CBFA2T3: variants seen among roughly 807,000 people sequenced by gnomAD.
CBFA2T3 encodes CBFA2/RUNX1 partner transcriptional co-repressor 3.
A neutral mutation model predicts 58.6 loss-of-function variants in CBFA2T3; 31 were observed. That is an observed-to-expected ratio of 0.53 (90% confidence interval 0.40 to 0.71). The LOEUF is 0.71. CBFA2T3 is among the 30% of genes least tolerant of loss of function. The pLI is 0.00. For missense variants in CBFA2T3, 1,076 were observed against 963.1 expected (o/e 1.12, Z -1.55); for synonymous variants, 531 against 421.9 (o/e 1.26, Z -3.17).
At chr16:88,905,930 G>A (rs990188768) in intron 1 of CBFA2T3, among the ~76,000 whole-genome samples, 1 of 150,676 alleles carries the variant, frequency 6.6e-6, no homozygotes, top group South Asian at 2.1e-4. Flanking sequence ...GCTGGGCAGG[G>A]AGGCACCGTG....
intron 1 of CBFA2T3, among the ~76,000 whole-genome samples, chr16:88,910,114 C>T (rs1355653672): frequency 1.3e-5 from 2 of 152,260 alleles, no homozygotes; most frequent in Non-Finnish European, 2.9e-5. Context: ...CGCACTACCC[C>T]ACACCCGCCT....
chr16:88,880,841 C>T (rs546835648), intron 9 of CBFA2T3, 53 bp from the exon 10 acceptor site: 26 of 1,465,048 alleles, frequency 1.8e-5, no homozygotes, highest in African/African-American at 1.4e-4. Context: ...GCCCCTCCCA[C>T]GCTGGGGCCC....
rs566421443 is a variant in CBFA2T3, at chr16:88,877,750, G to A, written c.1663-475C>T. Among the ~76,000 whole-genome samples, 122 of 151,702 alleles carry A rather than the reference G, an allele frequency of 8.0e-4. 2 individuals carry two copies. Among genetic ancestry groups the A allele is most frequent in the East Asian group, 3.9e-4 (2 of 5,084 alleles). ...CTGTGGTGGGCTCTGCTCCCTTCCC[G>A]TAGGGTGAGTTGTGCCCTAGGCATC... On this transcript the variant is annotated intron_variant, in intron 11 of 11. Coordinates refer to ENST00000268679, the MANE Select transcript of CBFA2T3 (RefSeq NM_005187.6).
chr16:88,925,881 C>G (rs1971070775), intron 1 of CBFA2T3, among the ~76,000 whole-genome samples: 1 of 152,220 alleles, frequency 6.6e-6, no homozygotes, highest in Admixed American at 6.5e-5. Flanking sequence ...GCCATCCTCT[C>G]TACGCCAGAC....
intron 1 of CBFA2T3, among the ~76,000 whole-genome samples, chr16:88,960,688 G>T (rs1972334301): frequency 6.6e-6 from 1 of 152,244 alleles, no homozygotes; most frequent in Non-Finnish European, 1.5e-5. Context: ...GAAGCTGAAA[G>T]AGCAGAAATG....
chr16:88,919,589 C>T (rs1369193384), intron 1 of CBFA2T3, among the ~76,000 whole-genome samples: 1 of 152,208 alleles, frequency 6.6e-6, no homozygotes, highest in Non-Finnish European at 1.5e-5. Context: ...AAAACCCACT[C>T]CTCGAATTCT....
chr16:88,967,673 T>C (rs755336547), intron 1 of CBFA2T3, among the ~76,000 whole-genome samples: 2 of 152,158 alleles, frequency 1.3e-5, no homozygotes, highest in Admixed American at 6.5e-5. Context: ...GACGGCGTGC[T>C]GCCCTGCGTG....
In CBFA2T3 at chr16:88,876,240, T is replaced by TA. The variant is rs1171380236; in HGVS notation, c.*735dup. 2 of 229,756 alleles carry TA rather than the reference T, an allele frequency of 8.7e-6. No homozygotes were observed. The highest frequency in any genetic ancestry group is 5.7e-5 in the Admixed American group (1 of 17,650). 14.2% of individuals were successfully genotyped at this position (229,756 alleles called of 1,614,324 possible). ...CACAAGTATGCTTCCTTTGCTTTTT[T>TA]AAAAAAACTTTTTGGATTTTTACTT... On this transcript the variant is annotated 3_prime_UTR_variant, in exon 12 of 12. Transcript: ENST00000268679.
intron 1 of CBFA2T3, among the ~76,000 whole-genome samples, chr16:88,905,861 G>A (rs1396380805): frequency 6.7e-6 from 1 of 149,864 alleles, no homozygotes; most frequent in African/African-American, 2.5e-5. Context: ...GACATGGGGG[G>A]CTGGTTGCTC....
intron 1 of CBFA2T3, among the ~76,000 whole-genome samples, chr16:88,926,591 G>C (rs1971092408): frequency 6.6e-6 from 1 of 152,342 alleles, no homozygotes; most frequent in Non-Finnish European, 1.5e-5. Context: ...AACGAGCTTT[G>C]TGTCAGGACA....
chr16:88,911,832 T>C (rs1286482160), intron 1 of CBFA2T3, among the ~76,000 whole-genome samples: 2 of 152,218 alleles, frequency 1.3e-5, no homozygotes, highest in Non-Finnish European at 2.9e-5. Context: ...AGCATCAGTG[T>C]TGGGGAAGGG....
chr16:88,976,185 G>A (rs1368014910), intron 1 of CBFA2T3, among the ~76,000 whole-genome samples: 1 of 152,198 alleles, frequency 6.6e-6, no homozygotes, highest in East Asian at 1.9e-4. Context: ...GGGGCCCAGG[G>A]TTGGGTCCAT....
intron 1 of CBFA2T3, among the ~76,000 whole-genome samples, chr16:88,921,064 A>G (rs1970899689): frequency 6.6e-6 from 1 of 152,158 alleles, no homozygotes; most frequent in African/African-American, 2.4e-5. Flanking sequence ...CTCCGCCCCC[A>G]CCCTGGGCCT....
chr16:88,880,592 G>A (rs1172417996), intron 10 of CBFA2T3, 128 bp downstream of exon 10: 7 of 766,686 alleles, frequency 9.1e-6, no homozygotes, highest in South Asian at 1.7e-5. Context: ...ACAGCGGAAT[G>A]CAGAAAGCCT....
At chr16:88,921,392 T>C (rs2142736849) in intron 1 of CBFA2T3, among the ~76,000 whole-genome samples, 1 of 152,274 alleles carries the variant, frequency 6.6e-6, no homozygotes, top group East Asian at 1.9e-4. Context: ...CACCCCAGCT[T>C]GGCAGGATCG....
At chr16:88,909,806 G>A (rs188224280) in intron 1 of CBFA2T3, among the ~76,000 whole-genome samples, 1,748 of 152,328 alleles carry the variant, frequency 0.011, 38 homozygotes, top group African/African-American at 0.04. Flanking sequence ...GGCCACGGCC[G>A]TGCAGTGAGT....
At chr16:88,900,350 T>G (rs544866887) in intron 2 of CBFA2T3, among the ~76,000 whole-genome samples, 1 of 152,376 alleles carries the variant, frequency 6.6e-6, no homozygotes, top group Non-Finnish European at 1.5e-5. Flanking sequence ...ATCTGCTGCC[T>G]GACCGCACAG....
intron 3 of CBFA2T3, among the ~76,000 whole-genome samples, chr16:88,894,766 G>T (rs1036474629): frequency 6.6e-6 from 1 of 152,262 alleles, no homozygotes; most frequent in Admixed American, 6.5e-5. Context: ...GCTCCCTCAG[G>T]GCCGAATTCC....
intron 1 of CBFA2T3, among the ~76,000 whole-genome samples, chr16:88,941,607 G>C (rs1597768643): frequency 6.8e-6 from 1 of 146,224 alleles, no homozygotes; most frequent in East Asian, 2.0e-4. Flanking sequence ...GCGCGGGGAG[G>C]GGGCGACGGG....
Sources: gnomAD v4.1 joint callset for allele counts (sites outside exome capture counted in the v4.1 genomes callset) on GRCh38, gnomAD v4.1.1 for gene constraint, MANE v1.5 for transcripts, NCBI Gene and HGNC (gene_info 2026-07-23, HGNC 2026-07-21) for gene names.